The following AADACL3 variants were observed in gnomAD, a reference collection of about 807,000 sequenced individuals.
AADACL3 encodes the protein arylacetamide deacetylase like 3.
A neutral mutation model predicts 13.6 loss-of-function variants in AADACL3; 13 were observed. The ratio of observed to expected loss-of-function variants is 0.95; its 90% confidence interval spans 0.62 to 1.52. The LOEUF (loss-of-function observed/expected upper bound fraction) is 1.52, where lower values mean the gene tolerates loss of function less well. Ranked by LOEUF, AADACL3 falls within the 40% of genes most tolerant of loss-of-function variation. The pLI is 0.00. For synonymous variants in AADACL3, 195 were observed against 197.0 expected, an observed-to-expected ratio of 0.99 and a Z score of 0.08; for missense variants, 519 against 499.2, an observed-to-expected ratio of 1.04 and a Z score of -0.38.
chr1:12,717,364 C>T (rs1282080043), intron 1 of AADACL3, among the ~76,000 whole-genome samples: 1 of 152,124 alleles, frequency 6.6e-6, no homozygotes, highest in Non-Finnish European at 1.5e-5. Context: ...ACTCGATTTC[C>T]TCTTTTGCAA....
chr1:12,725,959 T>C lies in AADACL3; in HGVS notation c.1187T>C (p.Ile396Thr). The C allele has an allele frequency of 6.2e-7, 1 of 1,613,944 alleles. No homozygotes were observed. Among genetic ancestry groups the C allele is most frequent in the Non-Finnish European group, 8.5e-7 (1 of 1,179,910 alleles). The stretch of plus-strand genomic sequence containing the variant: ...TTGCACTTTCCCTGCTCCATGAGAA[T>C]TCTGAGTGCATTAGTTCAATTTGTA... ...SFLHFPCSMR[I>T]LSALVQFVKG... Residue 396 changes from isoleucine to threonine, a missense_variant, in exon 4 of 4, where the codon ATT becomes ACT. Coordinates refer to ENST00000359318, the MANE Select transcript of AADACL3 (RefSeq NM_001103170.3).
intron 3 of AADACL3, 56 bp downstream of exon 3, chr1:12,721,002 A>T: frequency 1.4e-6 from 1 of 725,726 alleles, no homozygotes; most frequent in Non-Finnish European, 2.1e-6. Context: ...TGATGTGGAG[A>T]GATGGGGTGA....
At chr1:12,718,322 A>G (rs1324409115) in intron 1 of AADACL3, among the ~76,000 whole-genome samples, 9 of 146,558 alleles carry the variant, frequency 6.1e-5, no homozygotes. Context: ...CAGGAGTTTG[A>G]GACCAGCCTG....
Position 12,725,745 on chromosome 1 carries a change from C to T in AADACL3, c.973C>T (p.Pro325Ser). 1 of 1,614,098 alleles carries T rather than the reference C, an allele frequency of 6.2e-7. No individual in the cohort carries two copies. Residue 325 changes from proline (P) to serine (S), a missense_variant, in exon 4 of 4, where the codon CCC becomes TCC. Coordinates refer to ENST00000359318, the MANE Select transcript of AADACL3 (RefSeq NM_001103170.3). ...VSVVLDVMCS[P>S]LIAEDDIVSQ... Reference sequence around the variant, plus strand: ...TGTTGTCCTGGATGTGATGTGCTCGCCCCTGATTGCAGAAGATGACATAGT... The same window carrying T: ...TGTTGTCCTGGATGTGATGTGCTCGTCCCTGATTGCAGAAGATGACATAGT...
intron 3 of AADACL3, 57 bp from the exon 4 acceptor site, chr1:12,725,165 G>T: frequency 6.6e-7 from 1 of 1,507,056 alleles, no homozygotes; most frequent in East Asian, 2.3e-5. Flanking sequence ...GATGCTAGAC[G>T]CTGATATTTT....
chr1:12,725,977 A>G lies in AADACL3; in HGVS notation c.1205A>G (p.Gln402Arg). 6.2e-7 allele frequency: 1 copy of G among 1,612,450 alleles called. No homozygotes were observed. Among genetic ancestry groups the G allele is most frequent in the East Asian group, 2.2e-5 (1 of 44,852 alleles). The part of the protein sequence containing the change: ...CSMRILSALV[Q>R]FVKGL ...ATGAGAATTCTGAGTGCATTAGTTC[A>G]ATTTGTAAAGGGACTGTGACCATCT... Residue 402 changes from glutamine to arginine, a missense_variant, in exon 4 of 4, where the codon CAA becomes CGA. Physicochemically the swap from Gln to Arg is conservative, Grantham distance 43. Coordinates refer to ENST00000359318, the MANE Select transcript of AADACL3 (RefSeq NM_001103170.3).
intron 3 of AADACL3, among the ~76,000 whole-genome samples, chr1:12,723,852 C>T (rs983395571): frequency 8.0e-5 from 12 of 150,582 alleles, no homozygotes; most frequent in African/African-American, 2.7e-4. Context: ...AGCGCGATCT[C>T]GGCTCACCAC....
intron 1 of AADACL3, 61 bp from the exon 2 acceptor site, chr1:12,719,414 A>G: frequency 6.6e-7 from 1 of 1,523,694 alleles, no homozygotes; most frequent in Non-Finnish European, 9.1e-7. Context: ...TGTGAAGGCC[A>G]GACTCCAGAT....
chr1:12,719,660 C>T lies in AADACL3; in HGVS notation c.354C>T (p.Tyr118=), dbSNP rs577689482. ...TCTLKPGIVY[Y]HGGGGVMGSL... is the part of the protein sequence containing the mutation. ...CCCTGAAGCCTGGCATCGTGTACTACCACGGTGGCGGGGGCGTCATGGGGA... is the reference window on the plus strand; with the variant it reads ...CCCTGAAGCCTGGCATCGTGTACTATCACGGTGGCGGGGGCGTCATGGGGA... Residue 118 remains tyrosine, a synonymous_variant, in exon 2 of 4, where the codon TAC becomes TAT. Transcript: ENST00000359318. 6.2e-7 allele frequency: 1 copy of T among 1,614,128 alleles called. No homozygotes were observed. The highest frequency in any genetic ancestry group is 8.5e-7 in the Non-Finnish European group (1 of 1,180,004).
chr1:12,725,701 C>G lies in AADACL3; in HGVS notation c.929C>G (p.Ala310Gly), dbSNP rs1457138835. Residue 310 changes from alanine to glycine, a missense_variant, in exon 4 of 4, where the codon GCT becomes GGT. Transcript: ENST00000359318. ...QLKPHEPMNE[A>G]AYLEVSVVLD... ...AAGCCCCATGAGCCCATGAATGAAG[C>G]TGCTTACTTGGAAGTAAGTGTTGTC... is the stretch of plus-strand genomic sequence containing the variant. 4 of 1,614,170 alleles carry G rather than the reference C, an allele frequency of 2.5e-6. No homozygotes were observed. The highest frequency in any genetic ancestry group is 3.4e-6 in the Non-Finnish European group (4 of 1,180,044).
chr1:12,719,747 T>C, intron 2 of AADACL3, 56 bp downstream of exon 2: 3 of 1,505,426 alleles, frequency 2.0e-6, no homozygotes, highest in Admixed American at 3.4e-5. Flanking sequence ...TAACATAACT[T>C]GGAAGAATGG....
chr1:12,716,528 C>T (rs1203261078), intron 1 of AADACL3, among the ~76,000 whole-genome samples, 184 bp downstream of exon 1: 1 of 152,162 alleles, frequency 6.6e-6, no homozygotes, highest in Admixed American at 6.6e-5. Flanking sequence ...TTGGGTGTTT[C>T]TGAAGCTGGC....
In AADACL3 at chr1:12,719,893, T is replaced by C. The variant is rs143933268; in HGVS notation, c.385+202T>C. On this transcript the variant is annotated intron_variant, in intron 2 of 3. Transcript: ENST00000359318. ...TATCTCCTTATTTACATAAATGTAA[T>C]CCTTAGTTAAATTAACAATACTGTA... 1.6e-3 allele frequency among the ~76,000 whole-genome samples: 243 copies of C among 152,298 alleles called. 1 individual carries two copies. The highest frequency in any genetic ancestry group is 5.3e-3 in the African/African-American group (221 of 41,560).
Position 12,726,601 on chromosome 1 carries a change from C to T in AADACL3, c.*605C>T, listed in dbSNP as rs1028988244. ...AAACTTTAAGATAGAATGGATAGAG[C>T]TTCCACAGTGGTTGGCATCTAGTGG... is the stretch of plus-strand genomic sequence containing the variant. On this transcript the variant is annotated 3_prime_UTR_variant, in exon 4 of 4. Transcript: ENST00000359318. 6 of 152,294 alleles carry T rather than the reference C, an allele frequency of 3.9e-5. No individual in the cohort carries two copies. The highest frequency in any genetic ancestry group is 8.8e-5 in the Non-Finnish European group (6 of 68,134). The allele number at this position is 152,294 out of a possible 1,614,324, so 9.4% of individuals were successfully genotyped here.
Position 12,725,206 on chromosome 1 carries a change from C to T in AADACL3, c.450-16C>T, listed in dbSNP as rs1466024333. 6.3e-7 allele frequency: 1 copy of T among 1,576,424 alleles called. No homozygotes were observed. The highest frequency in any genetic ancestry group is 1.9e-5 in the Admixed American group (1 of 54,026). ...TGCCGGGGCGTTATCAACTGTGTTT[C>T]TTGATTCCTTTTTAGTTACCGCAAG... is the stretch of plus-strand genomic sequence containing the variant. On this transcript the variant is annotated splice_polypyrimidine_tract_variant and intron_variant, in intron 3 of 3. Transcript: ENST00000359318.
At chr1:12,723,879 G>C (rs1252257250) in intron 3 of AADACL3, among the ~76,000 whole-genome samples, 1 of 73,898 alleles carries the variant, frequency 1.4e-5, no homozygotes, top group African/African-American at 7.0e-5. Flanking sequence ...TGCCTCCTGG[G>C]TTCAAGGGAT....
chr1:12,725,192 T>C (rs750494864), intron 3 of AADACL3, 30 bp from the exon 4 acceptor site: 1 of 1,563,546 alleles, frequency 6.4e-7, no homozygotes, highest in Non-Finnish European at 8.7e-7. Flanking sequence ...GCCGGGGCGT[T>C]ATCAACTGTG....
In AADACL3 at chr1:12,716,307, G is replaced by A; in HGVS notation, c.131G>A (p.Arg44Lys). Residue 44 changes from arginine to lysine, a missense_variant, in exon 1 of 4, where the codon AGA (arginine) becomes AAA (lysine). Transcript: ENST00000359318. Reference protein sequence around the residue: ...PAAVGHPVKLRVLHCIFQLLL... With the variant: ...PAAVGHPVKLKVLHCIFQLLL... ...GCGGTTGGCCACCCTGTGAAACTGA[G>A]AGTCCTCCATTGCATCTTCCAGCTG... 1 of 1,614,184 alleles carries A rather than the reference G, an allele frequency of 6.2e-7. No individual in the cohort carries two copies. The highest frequency in any genetic ancestry group is 8.5e-7 in the Non-Finnish European group (1 of 1,180,014).
chr1:12,723,481 C>A (rs1638307417), intron 3 of AADACL3, among the ~76,000 whole-genome samples: 2 of 151,880 alleles, frequency 1.3e-5, no homozygotes, highest in African/African-American at 4.8e-5. Context: ...AAACTTTATG[C>A]ATTTTTTTGT....
Sources: gnomAD v4.1 joint callset for allele counts (sites outside exome capture counted in the v4.1 genomes callset) on GRCh38, gnomAD v4.1.1 for gene constraint, MANE v1.5 for transcripts, NCBI Gene and HGNC (gene_info 2026-07-23, HGNC 2026-07-21) for gene names.